The following KALRN variants were observed in gnomAD, a reference collection of about 807,000 sequenced individuals.
KALRN encodes the protein kalirin RhoGEF kinase.
Under a neutral mutation model 353.7 loss-of-function variants are expected in KALRN, and 70 were observed. The observed-to-expected ratio is 0.20, with a 90% CI of 0.16 to 0.24. The LOEUF is 0.24. Among genes scored for constraint, KALRN ranks in the 10% least tolerant of loss-of-function variants. KALRN has a pLI of 1.00. For synonymous variants in KALRN, 1,391 were observed against 1,434.8 expected (o/e 0.97, Z 0.69); for missense variants, 2,791 against 3,756.7 (o/e 0.74, Z 6.72).
At chr3:124,361,661 A>G (rs1238663914) in intron 10 of KALRN, among the ~76,000 whole-genome samples, 1 of 152,228 alleles carries the variant, frequency 6.6e-6, no homozygotes, top group African/African-American at 2.4e-5. Flanking sequence ...TTTCTTCCCA[A>G]GAGAAAGCTT....
chr3:124,506,026 G>A (rs1367821602), intron 33 of KALRN, among the ~76,000 whole-genome samples: 1 of 152,190 alleles, frequency 6.6e-6, no homozygotes, highest in Non-Finnish European at 1.5e-5. Context: ...GAATACATGG[G>A]TGTGTGAGGT....
chr3:124,607,968 C>A (rs923795288), intron 34 of KALRN, among the ~76,000 whole-genome samples: 3 of 151,584 alleles, frequency 2.0e-5, no homozygotes, highest in African/African-American at 7.3e-5. Context: ...GTTATCTAAG[C>A]ATTTTCCTTC....
chr3:124,347,314 GTGTGTGTCT>G, intron 10 of KALRN, 49 bp downstream of exon 10: 1 of 1,167,102 alleles, frequency 8.6e-7, no homozygotes. Context: ...GTGTGTGTGT[GTGTGTGTCT>G]AGATGAGGGA....
chr3:124,149,192 C>G (rs970747487), intron 1 of KALRN, among the ~76,000 whole-genome samples: 1 of 152,216 alleles, frequency 6.6e-6, no homozygotes, highest in Non-Finnish European at 1.5e-5. Flanking sequence ...AGAATCCAAA[C>G]TGACTATGTT....
At chr3:124,142,262 C>A (rs1338593208) in intron 1 of KALRN, among the ~76,000 whole-genome samples, 2 of 152,172 alleles carry the variant, frequency 1.3e-5, no homozygotes, top group Non-Finnish European at 2.9e-5. Context: ...CAGGCTTCCC[C>A]AAGCAGGTAA....
intron 9 of KALRN, among the ~76,000 whole-genome samples, chr3:124,344,038 G>A (rs1046060698): frequency 3.3e-5 from 5 of 152,192 alleles, no homozygotes; most frequent in Non-Finnish European, 5.9e-5. Context: ...CAGAGCCATC[G>A]ATAGGTATGA....
Position 124,490,909 on chromosome 3 carries a change from C to A in KALRN, c.4587+25C>A, listed in dbSNP as rs765720260. 15 of 1,586,622 alleles carry A rather than the reference C, an allele frequency of 9.5e-6. No homozygotes were observed. In the Admixed American group the frequency reaches 2.5e-4, roughly 27 times the overall value. ...GGTAGGTGGGGCAGGTGGGGTAAGA[C>A]AAGACTCCCTGCTTTCATAGAACCC... On this transcript the variant is annotated intron_variant, in intron 30 of 59. Transcript: ENST00000682506.
intron 33 of KALRN, among the ~76,000 whole-genome samples, chr3:124,534,410 A>G (rs2109215296): frequency 6.6e-6 from 1 of 152,172 alleles, no homozygotes; most frequent in East Asian, 1.9e-4. Context: ...CATTAGGACA[A>G]ATAGTTAATG....
chr3:124,443,785 AT>A (rs1219078661), intron 19 of KALRN, among the ~76,000 whole-genome samples: 1 of 152,194 alleles, frequency 6.6e-6, no homozygotes, highest in Non-Finnish European at 1.5e-5. Context: ...AGGGGGGAAA[AT>A]AATCCTGAAA....
At chr3:124,240,065 T>C (rs897097808) in intron 3 of KALRN, among the ~76,000 whole-genome samples, 1 of 152,222 alleles carries the variant, frequency 6.6e-6, no homozygotes, top group African/African-American at 2.4e-5. Flanking sequence ...TTTCTATGTA[T>C]AAACAAGATA....
At chr3:124,247,222 CAT>C (rs1481916703) in intron 3 of KALRN, among the ~76,000 whole-genome samples, 1 of 152,170 alleles carries the variant, frequency 6.6e-6, no homozygotes, top group Non-Finnish European at 1.5e-5. Flanking sequence ...CCCAAGAAGA[CAT>C]AGATGGGTTT....
At chr3:124,089,935 A>G (rs988532385) in intron 1 of KALRN, among the ~76,000 whole-genome samples, 4 of 152,192 alleles carry the variant, frequency 2.6e-5, no homozygotes, top group East Asian at 1.9e-4. Flanking sequence ...ATCTTTTGCC[A>G]AGATAGGAAT....
intron 48 of KALRN, among the ~76,000 whole-genome samples, chr3:124,672,357 C>A (rs1015368301): frequency 6.6e-6 from 1 of 152,206 alleles, no homozygotes; most frequent in Non-Finnish European, 1.5e-5. Context: ...GTGAGTTATA[C>A]CAGTTCCCTG....
chr3:124,045,778 A>G (rs2040423955), intron 1 of KALRN, among the ~76,000 whole-genome samples: 1 of 151,834 alleles, frequency 6.6e-6, no homozygotes, highest in South Asian at 2.1e-4. Context: ...TGATACATAA[A>G]CAGGTGATTG....
At chr3:124,462,491 C>A (rs2107703994) in intron 24 of KALRN, 33 bp from the exon 25 acceptor site, 2 of 1,286,442 alleles carry the variant, frequency 1.6e-6, no homozygotes, top group Non-Finnish European at 2.3e-6. Context: ...GCCTGCCAGA[C>A]TTGCCAGTGA....
chr3:124,689,253 C>A (rs908692304), intron 51 of KALRN, among the ~76,000 whole-genome samples: 2 of 152,168 alleles, frequency 1.3e-5, no homozygotes, highest in African/African-American at 2.4e-5. Context: ...GTTGCCCAGG[C>A]AACAGTTGCC....
intron 17 of KALRN, among the ~76,000 whole-genome samples, chr3:124,436,056 C>G (rs1431416297): frequency 3.9e-5 from 6 of 152,058 alleles, no homozygotes; most frequent in Non-Finnish European, 8.8e-5. Context: ...AGAAATAGAT[C>G]CACATATATA....
At chr3:124,338,255 T>G (rs947424990) in intron 9 of KALRN, among the ~76,000 whole-genome samples, 1 of 152,216 alleles carries the variant, frequency 6.6e-6, no homozygotes, top group Non-Finnish European at 1.5e-5. Flanking sequence ...TCTTTCCCGC[T>G]TTCTCCTGTG....
chr3:124,135,490 T>C (rs553782573), intron 1 of KALRN, among the ~76,000 whole-genome samples: 8 of 152,232 alleles, frequency 5.3e-5, no homozygotes, highest in Middle Eastern at 6.8e-3. Flanking sequence ...CTTACACATG[T>C]AACCAAATAC....
Sources: allele counts gnomAD v4.1 joint callset (sites outside exome capture counted in the v4.1 genomes callset), GRCh38; gene constraint gnomAD v4.1.1; transcripts MANE v1.5; gene names NCBI Gene and HGNC (gene_info 2026-07-23, HGNC 2026-07-21).